Variants in VPS13A observed in about 807,000 individuals in gnomAD.
VPS13A encodes vacuolar protein sorting 13 homolog A, also known as intermembrane lipid transfer protein VPS13A.
Under a neutral mutation model 390.9 loss-of-function variants are expected in VPS13A, and 264 were observed. The ratio of observed to expected loss-of-function variants is 0.68; its 90% CI spans 0.61 to 0.75. The LOEUF is 0.75. VPS13A is among the 30% of genes least tolerant of loss of function. The probability of loss-of-function intolerance (pLI) is 0.00; values close to 1 mark genes in which losing one functional copy is unlikely to be tolerated. For synonymous variants in VPS13A, 1,231 were observed against 1,227.1 expected, an observed-to-expected ratio of 1.00 and a Z score of -0.07; for missense variants, 3,409 against 3,733.9, an observed-to-expected ratio of 0.91 and a Z score of 2.27.
intron 15 of VPS13A, 51 bp from the exon 16 acceptor site, chr9:77,227,340 A>G (rs1343183986): frequency 7.8e-7 from 1 of 1,290,010 alleles, no homozygotes. Context: ...ACATTGTGTT[A>G]ATTTTATTGT....
intron 53 of VPS13A, among the ~76,000 whole-genome samples, chr9:77,351,806 TTGCAGTGAGCCAA>T (rs1438076409): frequency 5.3e-5 from 8 of 152,060 alleles, no homozygotes; most frequent in Admixed American, 5.2e-4. Context: ...GAGGCAGCGA[TTGCAGTGAGCCAA>T]GATCACGCCA....
rs200416908 is a variant in VPS13A at position 77,238,064 on chromosome 9, G to A, written c.1658G>A (p.Arg553His). 1.9e-5 allele frequency: 30 copies of A among 1,612,178 alleles called. No homozygotes were observed. Among genetic ancestry groups the A allele is most frequent in the East Asian group, 1.8e-4 (8 of 44,806 alleles). ...TGLPDNSEKP[R>H]LLSSLDDAMS... ...TTACCAGATAATTCAGAAAAACCCC[G>A]CCTCCTGTCTTCATTGGATGATGCA... Residue 553 changes from arginine to histidine, a missense_variant, in exon 18 of 72, where the codon CGC becomes CAC. Arg to His is a conservative substitution (Grantham distance 29, BLOSUM62 0). Around this residue, in one of 5 missense-constraint regions of VPS13A, gnomAD observed 2,717 missense variants for 2,917.4 expected, o/e 0.93. Coordinates refer to ENST00000360280, the MANE Select transcript of VPS13A (RefSeq NM_033305.3).
intron 22 of VPS13A, among the ~76,000 whole-genome samples, chr9:77,255,105 T>C (rs2150903): frequency 0.56 from 85,694 of 151,862 alleles, 24,448 homozygotes; most frequent in East Asian, 0.69. Context: ...ATTTCACCAT[T>C]GAGTATGATG....
At chr9:77,224,307 A>G (rs1157390339) in intron 13 of VPS13A, among the ~76,000 whole-genome samples, 1 of 152,202 alleles carries the variant, frequency 6.6e-6, no homozygotes, top group Non-Finnish European at 1.5e-5. Flanking sequence ...TAAGAAGTAC[A>G]TTTTGTAAGA....
At chr9:77,197,352 GGGTATTGA>G (rs1267939551) in intron 1 of VPS13A, among the ~76,000 whole-genome samples, 4 of 152,104 alleles carry the variant, frequency 2.6e-5, no homozygotes, top group African/African-American at 9.7e-5. Context: ...ACTGAAAGTG[GGGTATTGA>G]AGCCTTCTAC....
intron 22 of VPS13A, among the ~76,000 whole-genome samples, chr9:77,253,936 CTTTTTTT>C (rs1172781069): frequency 1.6e-4 from 9 of 55,068 alleles, no homozygotes; most frequent in Middle Eastern, 0.016. Flanking sequence ...GGCCTTTATT[CTTTTTTT>C]TTTTTTTTTT....
chr9:77,364,023 A>G (rs1367068480), intron 59 of VPS13A, among the ~76,000 whole-genome samples: 1 of 152,084 alleles, frequency 6.6e-6, no homozygotes, highest in Non-Finnish European at 1.5e-5. Context: ...CTTTGCTGGC[A>G]TGGAACCACC....
intron 2 of VPS13A, among the ~76,000 whole-genome samples, chr9:77,200,763 T>C (rs1825285800): frequency 6.6e-6 from 1 of 152,168 alleles, no homozygotes; most frequent in Non-Finnish European, 1.5e-5. Flanking sequence ...ATTCAAGAAG[T>C]CTTTACCGAA....
intron 45 of VPS13A, among the ~76,000 whole-genome samples, chr9:77,323,975 T>G (rs1829877490): frequency 6.6e-6 from 1 of 151,142 alleles, no homozygotes; most frequent in Non-Finnish European, 1.5e-5. Context: ...GAGGTTTTGC[T>G]TTTTTTTTCA....
At position 77,314,589 on chromosome 9, in the gene VPS13A, C is replaced by T; in HGVS notation, c.4337C>T (p.Ser1446Leu). Reference protein sequence around the residue: ...ISTLKMYTDGSTFSSFSLKNC... With the variant: ...ISTLKMYTDGLTFSSFSLKNC... ...ACTTTAAAAATGTATACAGATGGCT[C>T]AACATTTTCTTCCTTCTCATTAAAA... The change falls in exon 37 of 72, where the codon TCA becomes TTA. Residue 1446 changes from serine (S) to leucine (L), a missense_variant. Ser to Leu is a moderately radical substitution (Grantham distance 145). Coordinates refer to ENST00000360280, the MANE Select transcript of VPS13A (RefSeq NM_033305.3). 2 of 1,610,980 alleles carry T rather than the reference C, an allele frequency of 1.2e-6. No homozygotes were observed. Among genetic ancestry groups the T allele is most frequent in the Non-Finnish European group, 1.7e-6 (2 of 1,178,206 alleles).
At chr9:77,290,607 T>A (rs1299855622) in intron 31 of VPS13A, among the ~76,000 whole-genome samples, 2 of 152,136 alleles carry the variant, frequency 1.3e-5, no homozygotes, top group Non-Finnish European at 2.9e-5. Context: ...AGCCTTTGGA[T>A]GTTCTGTTCA....
At chr9:77,215,537 G>T (rs139622364) in intron 10 of VPS13A, among the ~76,000 whole-genome samples, 1 of 152,174 alleles carries the variant, frequency 6.6e-6, no homozygotes, top group Non-Finnish European at 1.5e-5. Flanking sequence ...TCAGAGTTCA[G>T]TGAGGAGAGA....
Position 77,370,921 on chromosome 9 carries a change from C to A in VPS13A, c.8939C>A (p.Thr2980Lys). 6.2e-7 allele frequency: 1 copy of A among 1,613,776 alleles called. No individual in the cohort carries two copies. Among genetic ancestry groups the A allele is most frequent in the Non-Finnish European group, 8.5e-7 (1 of 1,179,966 alleles). ...GTTAGTGGCATAACAGGAATTGTTA[C>A]AAAACCAATCAAAGGCAAGTATAGT... Reference protein sequence around the residue: ...GFVSGITGIVTKPIKGAQKGG... With the variant: ...GFVSGITGIVKKPIKGAQKGG... Residue 2980 changes from threonine to lysine, a missense_variant, in exon 66 of 72, where the codon ACA (threonine) becomes AAA (lysine). By Grantham distance (78) the Thr-to-Lys change is moderately conservative (BLOSUM62 -1). Transcript: ENST00000360280.
intron 33 of VPS13A, among the ~76,000 whole-genome samples, chr9:77,301,486 G>C (rs532469541): frequency 1.3e-5 from 2 of 152,212 alleles, no homozygotes; most frequent in South Asian, 4.1e-4. Flanking sequence ...TAAATGGCTT[G>C]GTACAAGGCA....
intron 7 of VPS13A, chr9:77,211,257 C>A (rs1379777400): frequency 1.3e-5 from 2 of 152,124 alleles, no homozygotes; most frequent in African/African-American, 4.8e-5. Flanking sequence ...TTGTTTTCTA[C>A]TTCCACCCAC....
chr9:77,358,436 C>T lies in VPS13A; in HGVS notation c.8033C>T (p.Ser2678Leu). The T allele has an allele frequency of 6.2e-7, 1 of 1,611,694 alleles. No individual in the cohort carries two copies. The highest frequency in any genetic ancestry group is 1.3e-5 in the African/African-American group (1 of 74,946). ...CCTCCAAAGTCGGTCACCATGGATTCAGGTTTGTTTTTATTTTTAGATTTC... is the reference window on the plus strand; with the variant it reads ...CCTCCAAAGTCGGTCACCATGGATTTAGGTTTGTTTTTATTTTTAGATTTC... ...VKPPKSVTMD[S>L]APKPFTDVSI... The change falls in exon 57 of 72, where the codon TCA (serine) becomes TTA (leucine). Residue 2678 changes from serine (S) to leucine (L), a missense_variant and splice_region_variant. Ser to Leu is a moderately radical substitution (Grantham distance 145). This residue lies in a region of VPS13A where 221 missense variants were observed against 300.7 expected (regional missense o/e 0.73). Transcript: ENST00000360280.
intron 19 of VPS13A, among the ~76,000 whole-genome samples, chr9:77,240,644 A>G (rs1260457992): frequency 6.7e-6 from 1 of 148,416 alleles, no homozygotes; most frequent in East Asian, 2.1e-4. Context: ...CACCCAGCTA[A>G]TTTTTGTATT....
intron 45 of VPS13A, among the ~76,000 whole-genome samples, chr9:77,323,701 G>A (rs6651535): frequency 0.31 from 46,781 of 151,886 alleles, 7,504 homozygotes; most frequent in Middle Eastern, 0.37. Flanking sequence ...AAAATTTTCT[G>A]TTTCCCCACT....
chr9:77,260,101 A>G lies in VPS13A; in HGVS notation c.2304A>G (p.Gly768=), dbSNP rs764549391. Residue 768 remains glycine, a synonymous_variant, in exon 23 of 72, where the codon GGA becomes GGG. Coordinates refer to ENST00000360280, the MANE Select transcript of VPS13A (RefSeq NM_033305.3). ...TTCAAAACAGATTCAAGATTTATGG[A>G]AAGTTACCTCTTATTTCTTTACGAA... ...DVRMPKFKIY[G]KLPLISLRIS... The G allele has an allele frequency of 6.6e-6, 10 of 1,522,850 alleles. No individual in the cohort carries two copies. The Middle Eastern group carries it at 5.1e-4, about 78-fold the overall frequency. The allele number at this position is 1,522,850 out of a possible 1,614,324, so 94.3% of individuals were successfully genotyped here.
Sources: allele counts gnomAD v4.1 joint callset (sites outside exome capture counted in the v4.1 genomes callset), GRCh38; gene constraint gnomAD v4.1.1; regional missense constraint gnomAD v4.1.1; transcripts MANE v1.5; gene names NCBI Gene and HGNC (gene_info 2026-07-23, HGNC 2026-07-21).